EBF3: variants seen among roughly 807,000 people sequenced by gnomAD.
The protein encoded by EBF3 is transcription factor COE3.
EBF3 carries 18 observed loss-of-function variants against 77.1 expected under a neutral mutation model. That is an observed-to-expected ratio of 0.23 (90% CI 0.16 to 0.35). The LOEUF is 0.35. Among genes scored for constraint, EBF3 ranks in the 10% least tolerant of loss-of-function variants. EBF3 has a pLI of 1.00. For missense variants in EBF3, 558 were observed against 860.0 expected, an observed-to-expected ratio of 0.65 and a Z score of 4.39; for synonymous variants, 350 against 343.5, an observed-to-expected ratio of 1.02 and a Z score of -0.21.
At chr10:129,852,575 TTCA>T (rs1036744692) in intron 10 of EBF3, among the ~76,000 whole-genome samples, 2 of 152,180 alleles carry the variant, frequency 1.3e-5, no homozygotes, top group African/African-American at 4.8e-5. Flanking sequence ...CCGCCCTGAG[TTCA>T]TGTTGATCTC....
chr10:129,864,513 C>T lies in EBF3; in HGVS notation c.1039+2628G>A, dbSNP rs1479546186. Among the ~76,000 whole-genome samples the T allele has an allele frequency of 6.6e-6, 1 of 152,198 alleles. No individual in the cohort carries two copies. Among genetic ancestry groups the T allele is most frequent in the Non-Finnish European group, 1.5e-5 (1 of 68,034 alleles). On this transcript the variant is annotated intron_variant, in intron 10 of 16. Transcript: ENST00000440978. This position sits in a 1 kb window ranked among gnomAD's most constrained non-coding sequence, Gnocchi z 4.4. Reference sequence around the variant, plus strand: ...AAAAAAGTCTCATTTCTAACAATAGCTGTGCAGACTTCCCCACCAAAAAGC... The same window carrying T: ...AAAAAAGTCTCATTTCTAACAATAGTTGTGCAGACTTCCCCACCAAAAAGC...
In EBF3 at chr10:129,963,703, G is replaced by A. The variant is rs1324801854; in HGVS notation, c.66C>T (p.Ser22=). ...TCCACGAGCGCACCGGGTTCATGCC[G>A]CTGCCCAGCGGCTCCTCCTTCATGG... is the stretch of plus-strand genomic sequence containing the variant. ...GTTMKEEPLG[S]GMNPVRSWMH... The change falls in exon 1 of 17, where the codon AGC becomes AGT. Residue 22 remains serine (S), a synonymous_variant. Coordinates refer to ENST00000440978, the MANE Select transcript of EBF3 (RefSeq NM_001375380.1). This position sits in a 1 kb window ranked among gnomAD's most constrained non-coding sequence, Gnocchi z 7.1. 19 of 1,532,948 alleles carry A rather than the reference G, an allele frequency of 1.2e-5. No individual in the cohort carries two copies. The South Asian group carries it at 1.9e-4, about 16-fold the overall frequency. 95.0% of individuals were successfully genotyped at this position (1,532,948 alleles called of 1,614,324 possible). A position where few individuals can be genotyped will look rare whatever the true frequency, so the allele number is the denominator to read the frequency against.
intron 10 of EBF3, among the ~76,000 whole-genome samples, chr10:129,854,123 A>C (rs1851084024): frequency 6.6e-6 from 1 of 151,540 alleles, no homozygotes; most frequent in Admixed American, 6.6e-5. Context: ...AACATTACAC[A>C]AAGTCTGCAA....
rs1428157043 is a variant in EBF3, at chr10:129,880,000, G to A, written c.555-2151C>T. On this transcript the variant is annotated intron_variant, in intron 6 of 16. Transcript: ENST00000440978. This position sits in a 1 kb window ranked among gnomAD's most constrained non-coding sequence, Gnocchi z 4.7. ...GCACGGAGCCATCTCCAGGAGCTTTGTTTGTGATTTGAGAGATTTCTCCCC... is the reference window on the plus strand; with the variant it reads ...GCACGGAGCCATCTCCAGGAGCTTTATTTGTGATTTGAGAGATTTCTCCCC... 6.6e-6 allele frequency among the ~76,000 whole-genome samples: 1 copy of A among 152,140 alleles called. No homozygotes were observed. The highest frequency in any genetic ancestry group is 1.5e-5 in the Non-Finnish European group (1 of 68,044).
Position 129,879,533 on chromosome 10 carries a change from T to C in EBF3, c.555-1684A>G, listed in dbSNP as rs756941516. On this transcript the variant is annotated intron_variant, in intron 6 of 16. Transcript: ENST00000440978. This position sits in a 1 kb window ranked among gnomAD's most constrained non-coding sequence, Gnocchi z 4.7. Reference sequence around the variant, plus strand: ...CTTACTGTGGCAGAAGAAAATCCAATTGATGGGGGAAAGAGTGGTGGCCAC... The same window carrying C: ...CTTACTGTGGCAGAAGAAAATCCAACTGATGGGGGAAAGAGTGGTGGCCAC... Among the ~76,000 whole-genome samples the C allele has an allele frequency of 3.3e-5, 5 of 152,180 alleles. No homozygotes were observed. The highest frequency in any genetic ancestry group is 7.3e-5 in the Non-Finnish European group (5 of 68,032).
chr10:129,887,411 A>C (rs1853686517), intron 6 of EBF3, among the ~76,000 whole-genome samples: 1 of 152,246 alleles, frequency 6.6e-6, no homozygotes, highest in Non-Finnish European at 1.5e-5. Flanking sequence ...AGTTCTCTCA[A>C]GCACAGCGGC....
At chr10:129,844,027 A>G (rs1196849313) in intron 11 of EBF3, among the ~76,000 whole-genome samples, 1 of 152,190 alleles carries the variant, frequency 6.6e-6, no homozygotes, top group Non-Finnish European at 1.5e-5. Flanking sequence ...AATAAAACGG[A>G]GCTGAGCTTT....
In EBF3 at chr10:129,963,259, G is replaced by C; in HGVS notation, c.291+108C>G. 1 of 1,455,906 alleles carries C rather than the reference G, an allele frequency of 6.9e-7. No homozygotes were observed. Among genetic ancestry groups the C allele is most frequent in the Non-Finnish European group, 9.1e-7 (1 of 1,102,392 alleles). 90.2% of individuals were successfully genotyped at this position (1,455,906 alleles called of 1,614,324 possible). ...CACGTGGCGGCGGCGGGGTGGCCTG[G>C]CGGAGCCGAGCCCGCCGCCTAGGGG... On this transcript the variant is annotated intron_variant, in intron 2 of 16. Transcript: ENST00000440978. This position sits in a 1 kb window ranked among gnomAD's most constrained non-coding sequence, Gnocchi z 7.1.
rs564133584 is a variant in EBF3, at chr10:129,847,595, C to G, written c.1128+797G>C. On this transcript the variant is annotated intron_variant, in intron 11 of 16. Transcript: ENST00000440978. ...TGTGTTAATAAAACTCAGAGGTGGT[C>G]AAGACTTGGTACACACAGGGATGGA... is the stretch of plus-strand genomic sequence containing the variant. Among the ~76,000 whole-genome samples, 4 of 152,222 alleles carry G rather than the reference C, an allele frequency of 2.6e-5. No homozygotes were observed. The East Asian group carries it at 7.7e-4, about 29-fold the overall frequency.
At chr10:129,925,654 AATGTAC>A (rs1265213643) in intron 6 of EBF3, among the ~76,000 whole-genome samples, 1 of 152,076 alleles carries the variant, frequency 6.6e-6, no homozygotes, top group Non-Finnish European at 1.5e-5. Flanking sequence ...CAACATTCTG[AATGTAC>A]TTAATGCACT....
chr10:129,954,319 C>T (rs11017029), intron 6 of EBF3, among the ~76,000 whole-genome samples: 37,207 of 151,976 alleles, frequency 0.24, 4,885 homozygotes, highest in African/African-American at 0.34. Context: ...AAAACTTGTT[C>T]CTCTAGCAAT....
Position 129,963,713 on chromosome 10 carries a change from G to C in EBF3, c.56C>G (p.Pro19Arg). ...PRGGTTMKEEPLGSGMNPVRS... is the reference protein window; with the variant it reads ...PRGGTTMKEERLGSGMNPVRS... ...CACCGGGTTCATGCCGCTGCCCAGC[G>C]GCTCCTCCTTCATGGTCGTCCCCCC... Residue 19 changes from proline (P) to arginine (R), a missense_variant, in exon 1 of 17, where the codon CCG (proline) becomes CGG (arginine). Coordinates refer to ENST00000440978, the MANE Select transcript of EBF3 (RefSeq NM_001375380.1). The surrounding 1 kb of genome is among the most constrained non-coding windows in gnomAD (Gnocchi z 7.1). The C allele has an allele frequency of 6.5e-7, 1 of 1,535,708 alleles. No individual in the cohort carries two copies. Among genetic ancestry groups the C allele is most frequent in the Non-Finnish European group, 8.8e-7 (1 of 1,135,360 alleles).
chr10:129,914,768 C>T (rs1483198372), intron 6 of EBF3, among the ~76,000 whole-genome samples: 2 of 152,168 alleles, frequency 1.3e-5, no homozygotes, highest in Non-Finnish European at 2.9e-5. Flanking sequence ...GAGGCTTCAG[C>T]TGCCCCGGCC....
chr10:129,930,015 CAG>C (rs756685617), intron 6 of EBF3, among the ~76,000 whole-genome samples: 3 of 152,122 alleles, frequency 2.0e-5, no homozygotes, highest in Non-Finnish European at 4.4e-5. Context: ...AGAACAAAAA[CAG>C]AGGAAAGGTG....
intron 7 of EBF3, 148 bp downstream of exon 7, chr10:129,877,620 G>A (rs1317209998): frequency 1.6e-6 from 1 of 630,302 alleles, no homozygotes; most frequent in Non-Finnish European, 2.8e-6. Context: ...CATTTTATTT[G>A]CATATTTTTA....
intron 6 of EBF3, among the ~76,000 whole-genome samples, chr10:129,927,570 G>T (rs1016079575): frequency 3.9e-5 from 6 of 152,128 alleles, no homozygotes; most frequent in African/African-American, 1.2e-4. Context: ...GGCAACGACG[G>T]GGAGCTCACC....
intron 6 of EBF3, among the ~76,000 whole-genome samples, chr10:129,914,299 AG>A (rs1443528314): frequency 6.6e-6 from 1 of 152,068 alleles, no homozygotes; most frequent in Non-Finnish European, 1.5e-5. Flanking sequence ...TTCCCTTGGC[AG>A]GGGCACGGCG....
At chr10:129,850,470 T>C (rs1009295308) in intron 10 of EBF3, among the ~76,000 whole-genome samples, 1 of 152,124 alleles carries the variant, frequency 6.6e-6, no homozygotes, top group African/African-American at 2.4e-5. Flanking sequence ...ACTTATGTCT[T>C]GAAAGCAATG....
chr10:129,926,389 G>A (rs1425848345), intron 6 of EBF3, among the ~76,000 whole-genome samples: 1 of 152,206 alleles, frequency 6.6e-6, no homozygotes, highest in Non-Finnish European at 1.5e-5. Flanking sequence ...AGGTGGGGGT[G>A]CAGGGAGAAC....
Sources: allele counts gnomAD v4.1 joint callset (sites outside exome capture counted in the v4.1 genomes callset), GRCh38; gene constraint gnomAD v4.1.1; non-coding constraint Gnocchi (gnomAD v3.1); transcripts MANE v1.5; gene names NCBI Gene and HGNC (gene_info 2026-07-23, HGNC 2026-07-21).